ASB2: variants seen among roughly 807,000 people sequenced by gnomAD.
The protein encoded by ASB2 is ankyrin repeat and SOCS box containing 2, also known as ankyrin repeat and SOCS box protein 2.
ASB2 carries 58 observed loss-of-function variants against 62.4 expected under a neutral mutation model. That is an observed-to-expected ratio of 0.93 (90% confidence interval 0.75 to 1.16). The LOEUF is 1.16. Among genes scored for constraint, ASB2 ranks in the 50% most tolerant of loss-of-function variants. The probability of loss-of-function intolerance (pLI) is 0.00; values close to 1 mark genes in which losing one functional copy is unlikely to be tolerated. For synonymous variants in ASB2, 386 were observed against 385.3 expected (o/e 1.00, Z -0.02); for missense variants, 928 against 887.9 (o/e 1.05, Z -0.57).
chr14:93,971,589 T>C (rs568833427), intron 1 of ASB2, among the ~76,000 whole-genome samples: 5 of 152,358 alleles, frequency 3.3e-5, no homozygotes, highest in African/African-American at 9.6e-5. Flanking sequence ...GTGGTTCAGA[T>C]CCATGTGTCA....
intron 5 of ASB2, among the ~76,000 whole-genome samples, chr14:93,952,389 A>G (rs1253636155): frequency 1.3e-5 from 2 of 152,226 alleles, no homozygotes; most frequent in East Asian, 3.9e-4. Flanking sequence ...CAGGGAAGAC[A>G]CTTCCATGGT....
intron 6 of ASB2, among the ~76,000 whole-genome samples, chr14:93,950,770 C>T (rs1158307592): frequency 6.6e-6 from 1 of 150,604 alleles, no homozygotes; most frequent in Admixed American, 6.6e-5. Context: ...CCAGACCCCC[C>T]CATATTTGTT....
intron 1 of ASB2, among the ~76,000 whole-genome samples, chr14:93,965,028 A>G (rs1889544470): frequency 6.6e-6 from 1 of 152,058 alleles, no homozygotes. Context: ...TCATTCATCC[A>G]TCCATTCATC....
chr14:93,964,625 CA>C lies in ASB2; in HGVS notation c.-73-14del. Reference sequence around the variant, plus strand: ...AAATCAGAAAACCCTGTGAGGAAACCAAAACCATCCTGGTCACGAACAGTTT... The same window carrying C: ...AAATCAGAAAACCCTGTGAGGAAACCAAACCATCCTGGTCACGAACAGTTT... On this transcript the variant is annotated splice_polypyrimidine_tract_variant and intron_variant, in intron 1 of 9. Transcript: ENST00000555019. 1 of 1,244,128 alleles carries C rather than the reference CA, an allele frequency of 8.0e-7. No individual in the cohort carries two copies. Among genetic ancestry groups the C allele is most frequent in the Non-Finnish European group, 1.1e-6 (1 of 882,638 alleles). 77.1% of individuals were successfully genotyped at this position (1,244,128 alleles called of 1,614,324 possible).
intron 7 of ASB2, 49 bp from the exon 8 acceptor site, chr14:93,939,721 A>C: frequency 7.5e-7 from 1 of 1,335,038 alleles, no homozygotes; most frequent in Non-Finnish European, 9.7e-7. Flanking sequence ...CGGGGTGTGG[A>C]CGGGTAGGGC....
chr14:93,954,316 C>G lies in ASB2; in HGVS notation c.478+1G>C. On this transcript the variant is annotated splice_donor_variant, in intron 4 of 9. Coordinates refer to ENST00000555019, the MANE Select transcript of ASB2 (RefSeq NM_001202429.2). LOFTEE classifies it high-confidence loss of function. ...TGCCACCGTCAGAGCCCAGCCCTCA[C>G]CTCGCTGCAGGACTTTCAGGCAGCC... is the stretch of plus-strand genomic sequence containing the variant. The G allele has an allele frequency of 1.2e-6, 2 of 1,612,564 alleles. No individual in the cohort carries two copies. The highest frequency in any genetic ancestry group is 1.1e-5 in the South Asian group (1 of 91,064).
intron 2 of ASB2, 48 bp from the exon 3 acceptor site, chr14:93,956,918 G>A (rs1004621785): frequency 7.5e-6 from 12 of 1,610,242 alleles, no homozygotes; most frequent in Non-Finnish European, 1.0e-5. Context: ...ACTCTGCATA[G>A]GAGAAGCGGG....
At chr14:93,954,613 C>T (rs972427144) in intron 3 of ASB2, 130 bp from the exon 4 acceptor site, 99 of 755,208 alleles carry the variant, frequency 1.3e-4, no homozygotes, top group Admixed American at 8.1e-5. Flanking sequence ...GAGCACTCAG[C>T]CCCCTGCAGC....
rs1888432442 is a variant in ASB2 at position 93,939,587 on chromosome 14, T to C, written c.1138A>G (p.Asn380Asp). The C allele has an allele frequency of 6.3e-7, 1 of 1,576,482 alleles. No homozygotes were observed. Among genetic ancestry groups the C allele is most frequent in the Admixed American group, 1.8e-5 (1 of 56,228 alleles). The change falls in exon 8 of 10, where the codon AAC (asparagine) becomes GAC (aspartate). Residue 380 changes from asparagine to aspartate, a missense_variant. Physicochemically the swap from Asn to Asp is conservative, Grantham distance 23. Transcript: ENST00000555019. ...VSPLHLAAER[N>D]HDEVLEALLS... ...AGCGCCTCCAGCACCTCGTCGTGGT[T>C]GCGCTCGGCCGCCAGGTGCAGCGGA...
rs186982640 is a variant in ASB2, at chr14:93,971,167, C to T, written c.-74+5267G>A. Among the ~76,000 whole-genome samples the T allele has an allele frequency of 4.6e-5, 7 of 152,332 alleles. No homozygotes were observed. The East Asian group carries it at 1.2e-3, about 25-fold the overall frequency. On this transcript the variant is annotated intron_variant, in intron 1 of 9. Transcript: ENST00000555019. ...AAATGAGCCCCAAGCCCAGCCTTCG[C>T]GTGACAGCTGTGGTCAAAACTGCCG...
intron 2 of ASB2, among the ~76,000 whole-genome samples, chr14:93,962,304 C>T (rs1305822736): frequency 6.6e-6 from 1 of 151,680 alleles, no homozygotes; most frequent in Non-Finnish European, 1.5e-5. Flanking sequence ...TTAGTAGAGA[C>T]GGGGTTTCAC....
chr14:93,938,790 T>G lies in ASB2; in HGVS notation c.1617+318A>C, dbSNP rs73337607. Among the ~76,000 whole-genome samples the G allele has an allele frequency of 3.3e-3, 496 of 152,332 alleles. 2 individuals are homozygous for G. Among genetic ancestry groups the G allele is most frequent in the African/African-American group, 0.011 (476 of 41,572 alleles). Reference sequence around the variant, plus strand: ...CACAAGAAGGATTTCACCGTTCCAATGCACCACTAAGTTCTGCGGCCTCTT... The same window carrying G: ...CACAAGAAGGATTTCACCGTTCCAAGGCACCACTAAGTTCTGCGGCCTCTT... On this transcript the variant is annotated intron_variant, in intron 8 of 9. Coordinates refer to ENST00000555019, the MANE Select transcript of ASB2 (RefSeq NM_001202429.2).
intron 6 of ASB2, 35 bp downstream of exon 6, chr14:93,950,964 G>C (rs760759566): frequency 1.3e-6 from 2 of 1,591,708 alleles, no homozygotes; most frequent in South Asian, 2.3e-5. Context: ...GTGCCCTTTG[G>C]GGACTCCATG....
intron 3 of ASB2, among the ~76,000 whole-genome samples, chr14:93,956,443 A>G (rs770959875): frequency 7.9e-5 from 12 of 151,982 alleles, no homozygotes; most frequent in Non-Finnish European, 2.9e-5. Flanking sequence ...CATCTCCCCA[A>G]TTTCCCTCGT....
chr14:93,943,217 G>A (rs1194805368), intron 7 of ASB2, among the ~76,000 whole-genome samples: 1 of 152,202 alleles, frequency 6.6e-6, no homozygotes, highest in Non-Finnish European at 1.5e-5. Flanking sequence ...CCCGTAGTCG[G>A]CAGTGAATGA....
At chr14:93,954,518 C>T (rs891859362) in intron 3 of ASB2, 35 bp from the exon 4 acceptor site, 1 of 1,608,272 alleles carries the variant, frequency 6.2e-7, no homozygotes, top group Non-Finnish European at 8.5e-7. Context: ...TCCTCAAGGT[C>T]AGGCCAAGGC....
intron 8 of ASB2, 63 bp downstream of exon 8, chr14:93,939,045 G>A: frequency 7.4e-7 from 1 of 1,349,406 alleles, no homozygotes; most frequent in South Asian, 1.6e-5. Flanking sequence ...CCTCCCATGC[G>A]CGCGCGCGTC....
intron 1 of ASB2, among the ~76,000 whole-genome samples, chr14:93,975,384 G>C (rs1889883664): frequency 6.6e-6 from 1 of 152,212 alleles, no homozygotes. Context: ...CATCCTCCAA[G>C]GGGAATGGGC....
intron 8 of ASB2, among the ~76,000 whole-genome samples, chr14:93,938,499 CAA>C (rs1888364387): frequency 6.6e-6 from 1 of 152,138 alleles, no homozygotes; most frequent in East Asian, 1.9e-4. Flanking sequence ...CTCGGCCTCC[CAA>C]AGTGTTGGGA....
Sources: allele counts gnomAD v4.1 joint callset (sites outside exome capture counted in the v4.1 genomes callset), GRCh38; gene constraint gnomAD v4.1.1; transcripts MANE v1.5; gene names NCBI Gene and HGNC (gene_info 2026-07-23, HGNC 2026-07-21).